SUPT7L: variants seen among roughly 807,000 people sequenced by gnomAD.
SUPT7L encodes SPT7 like, STAGA complex subunit gamma.
Under a neutral mutation model 35.7 loss-of-function variants are expected in SUPT7L, and 15 were observed. The ratio of observed to expected loss-of-function variants is 0.42; its 90% confidence interval spans 0.28 to 0.65. SUPT7L has a LOEUF of 0.65. SUPT7L is among the 30% of genes least tolerant of loss of function. The pLI, the probability that SUPT7L is intolerant of heterozygous loss-of-function variation, is 0.23. For synonymous variants in SUPT7L, 168 were observed against 186.2 expected (o/e 0.90, Z 0.79); for missense variants, 434 against 522.2 (o/e 0.83, Z 1.65).
intron 2 of SUPT7L, chr2:27,661,715 A>T: frequency 1.1e-6 from 1 of 905,932 alleles, no homozygotes; most frequent in Non-Finnish European, 1.5e-6. Flanking sequence ...ACCAATAGCT[A>T]CAACAGCATC....
In SUPT7L at chr2:27,661,173, C is replaced by G; in HGVS notation, c.230G>C (p.Arg77Pro). 1 of 1,614,044 alleles carries G rather than the reference C, an allele frequency of 6.2e-7. No individual in the cohort carries two copies. Among genetic ancestry groups the G allele is most frequent in the Non-Finnish European group, 8.5e-7 (1 of 1,180,018 alleles). The change falls in exon 3 of 6, where the codon CGC becomes CCC. Residue 77 changes from arginine (R) to proline (P), a missense_variant. By Grantham distance (103) the Arg-to-Pro change is moderately radical. This residue lies in a region of SUPT7L where 77 missense variants were observed against 114.4 expected (regional missense o/e 0.67). Coordinates refer to ENST00000337768, the MANE Select transcript of SUPT7L (RefSeq NM_014860.3). Reference sequence around the variant, plus strand: ...GGCCTGAGCTGTGGCAATAAGGTTGCGAAGACGTCGGTTGTGCTGAATCAA... The same window carrying G: ...GGCCTGAGCTGTGGCAATAAGGTTGGGAAGACGTCGGTTGTGCTGAATCAA... ...IQLIQHNRRL[R>P]NLIATAQAQN... is the part of the protein sequence containing the mutation.
intron 1 of SUPT7L, among the ~76,000 whole-genome samples, chr2:27,662,966 TTTGGCGAGACAGGGTC>T (rs1359577028): frequency 6.9e-6 from 1 of 144,878 alleles, no homozygotes; most frequent in African/African-American, 2.6e-5. Flanking sequence ...TTTTTTTTTT[TTTGGCGAGACAGGGTC>T]TCGCCATGTT....
chr2:27,653,581 G>A lies in SUPT7L; in HGVS notation c.1149C>T (p.Asp383=). The A allele has an allele frequency of 6.2e-7, 1 of 1,614,216 alleles. No homozygotes were observed. The highest frequency in any genetic ancestry group is 8.5e-7 in the Non-Finnish European group (1 of 1,180,040). Reference sequence around the variant, plus strand: ...AGTGGGAACCATAGCTGCTATCTGAGTCATCAGGGCTCTGAGGAATCCCAG... The same window carrying A: ...AGTGGGAACCATAGCTGCTATCTGAATCATCAGGGCTCTGAGGAATCCCAG... ...SEAGIPQSPD[D]SDSSYGSHST... The change falls in exon 6 of 6, where the codon GAC becomes GAT. Residue 383 remains aspartate (D), a synonymous_variant. Transcript: ENST00000337768.
At position 27,661,102 on chromosome 2, in the gene SUPT7L, G is replaced by T; in HGVS notation, c.301C>A (p.Pro101Thr). The T allele has an allele frequency of 4.3e-6, 7 of 1,614,164 alleles. No homozygotes were observed. Among genetic ancestry groups the T allele is most frequent in the Non-Finnish European group, 5.9e-6 (7 of 1,180,042 alleles). The stretch of plus-strand genomic sequence containing the variant: ...GGTGACCCAGGGCACGAGGGAAGAG[G>T]TTCACTCTCTTCAGTTTTTACACCT... The part of the protein sequence containing the change: ...TEGVKTEESE[P>T]LPSCPGSPPL... The change falls in exon 3 of 6, where the codon CCT (proline) becomes ACT (threonine). Residue 101 changes from proline (P) to threonine (T), a missense_variant. This residue lies in a region of SUPT7L where 198 missense variants were observed against 190.8 expected (regional missense o/e 1.04). Coordinates refer to ENST00000337768, the MANE Select transcript of SUPT7L (RefSeq NM_014860.3).
At chr2:27,660,952 GA>G in intron 3 of SUPT7L, 31 bp downstream of exon 3, 1 of 1,588,086 alleles carries the variant, frequency 6.3e-7, no homozygotes. Flanking sequence ...GATGACTTGA[GA>G]AAAGTAAGAT....
intron 4 of SUPT7L, among the ~76,000 whole-genome samples, chr2:27,656,475 CTA>C (rs902391442): frequency 1.3e-5 from 2 of 152,168 alleles, no homozygotes; most frequent in Non-Finnish European, 2.9e-5. Context: ...CAGGGTCTTG[CTA>C]TGTTGCCCAG....
At position 27,657,241 on chromosome 2, in the gene SUPT7L, C is replaced by A; in HGVS notation, c.744+104G>T. 1 of 1,281,476 alleles carries A rather than the reference C, an allele frequency of 7.8e-7. No individual in the cohort carries two copies. Among genetic ancestry groups the A allele is most frequent in the Non-Finnish European group, 1.1e-6 (1 of 931,748 alleles). 79.4% of individuals were successfully genotyped at this position (1,281,476 alleles called of 1,614,324 possible). ...AAAGTATGTTAAGTTCACTCTGTTC[C>A]AAGACTCTGTGCTCTGCACTCTAGA... On this transcript the variant is annotated intron_variant, in intron 4 of 5. Coordinates refer to ENST00000337768, the MANE Select transcript of SUPT7L (RefSeq NM_014860.3). This position sits in a 1 kb window ranked among gnomAD's most constrained non-coding sequence, Gnocchi z 5.2.
chr2:27,646,766 T>C (rs1416604343), downstream of SUPT7L, among the ~76,000 whole-genome samples: 1 of 152,198 alleles, frequency 6.6e-6, no homozygotes, highest in Non-Finnish European at 1.5e-5. Context: ...ACATCTTTCT[T>C]AAAGGAGTGA....
At chr2:27,656,452 A>G (rs1674808215) in intron 4 of SUPT7L, among the ~76,000 whole-genome samples, 1 of 152,080 alleles carries the variant, frequency 6.6e-6, no homozygotes, top group Non-Finnish European at 1.5e-5. Context: ...TTTTTTGTGT[A>G]TGTGCTTAGA....
rs188551129 is a variant in SUPT7L at position 27,655,540 on chromosome 2, G to A, written c.807C>T (p.Asp269=). 1.9e-5 allele frequency: 30 copies of A among 1,613,820 alleles called. No individual in the cohort carries two copies. The highest frequency in any genetic ancestry group is 2.1e-5 in the Non-Finnish European group (25 of 1,179,942). The change falls in exon 5 of 6, where the codon GAC becomes GAT. Residue 269 remains aspartate (D), a synonymous_variant. Coordinates refer to ENST00000337768, the MANE Select transcript of SUPT7L (RefSeq NM_014860.3). ...RIVNPEKATE[D]AKPVKIKEEP... is the part of the protein sequence containing the mutation. Reference sequence around the variant, plus strand: ...CCTCCTTGATCTTCACAGGTTTAGCGTCCTCTGTGGCCTTCTCAGGATTGA... The same window carrying A: ...CCTCCTTGATCTTCACAGGTTTAGCATCCTCTGTGGCCTTCTCAGGATTGA...
chr2:27,663,317 C>T lies in SUPT7L; in HGVS notation c.-90+12G>A, dbSNP rs982661396. 2 of 167,342 alleles carry T rather than the reference C, an allele frequency of 1.2e-5. No homozygotes were observed. The highest frequency in any genetic ancestry group is 2.6e-5 in the Non-Finnish European group (2 of 76,074). 10.4% of individuals were successfully genotyped at this position (167,342 alleles called of 1,614,324 possible). ...GAAATAACAAAAAAGTCGCCCTCTTCCCTTACTTTACCGAAAGGAGCACGA... is the reference window on the plus strand; with the variant it reads ...GAAATAACAAAAAAGTCGCCCTCTTTCCTTACTTTACCGAAAGGAGCACGA... On this transcript the variant is annotated intron_variant, in intron 1 of 5. Coordinates refer to ENST00000337768, the MANE Select transcript of SUPT7L (RefSeq NM_014860.3).
chr2:27,654,060 A>G (rs1674683204), intron 5 of SUPT7L, among the ~76,000 whole-genome samples: 2 of 152,244 alleles, frequency 1.3e-5, no homozygotes, highest in Middle Eastern at 3.4e-3. Context: ...TCACAGCCCA[A>G]AGACATGCAC....
chr2:27,660,774 A>T (rs1315034677), intron 3 of SUPT7L, among the ~76,000 whole-genome samples: 1 of 152,140 alleles, frequency 6.6e-6, no homozygotes, highest in Non-Finnish European at 1.5e-5. Flanking sequence ...CATAGTAAGC[A>T]CTCAAAAAAT....
intron 4 of SUPT7L, 124 bp from the exon 5 acceptor site, chr2:27,655,726 A>T: frequency 1.2e-6 from 1 of 818,106 alleles, no homozygotes. Context: ...ATTCACTGCC[A>T]ATGGGAGGGA....
At chr2:27,644,010 C>T in the SUPT7L span, among the ~76,000 whole-genome samples, 1 of 152,158 alleles carries the variant, frequency 6.6e-6, no homozygotes, top group Non-Finnish European at 1.5e-5. Context: ...GAAACCCCAT[C>T]TCTCCTAAAA....
intron 1 of SUPT7L, among the ~76,000 whole-genome samples, chr2:27,662,950 C>CTTTTTTTTTT: frequency 9.8e-6 from 1 of 102,502 alleles, no homozygotes; most frequent in Non-Finnish European, 1.8e-5. Context: ...TGGATTTTTT[C>CTTTTTTTTTT]TTTTTTTTTT....
chr2:27,661,670 A>C, intron 2 of SUPT7L: 1 of 1,270,372 alleles, frequency 7.9e-7, no homozygotes, highest in Non-Finnish European at 1.0e-6. Context: ...TTCCTACTAC[A>C]CTGAACCACA....
intron 5 of SUPT7L, among the ~76,000 whole-genome samples, chr2:27,654,601 C>T (rs1324222976): frequency 6.6e-6 from 1 of 152,044 alleles, no homozygotes; most frequent in Non-Finnish European, 1.5e-5. Flanking sequence ...GAGTCTTGCT[C>T]TGTTGCCCAG....
At chr2:27,649,473 C>T (rs1478765144), downstream of SUPT7L, among the ~76,000 whole-genome samples, 1 of 152,104 alleles carries the variant, frequency 6.6e-6, no homozygotes, top group Non-Finnish European at 1.5e-5. Flanking sequence ...ACCACAATCA[C>T]AGTTGAAATG....
Sources: allele counts gnomAD v4.1 joint callset (sites outside exome capture counted in the v4.1 genomes callset), GRCh38; gene constraint gnomAD v4.1.1; regional missense constraint gnomAD v4.1.1; non-coding constraint Gnocchi (gnomAD v3.1); transcripts MANE v1.5; gene names NCBI Gene and HGNC (gene_info 2026-07-23, HGNC 2026-07-21).